The following TMCC1 variants were observed in gnomAD, a reference collection of about 807,000 sequenced individuals.
The protein encoded by TMCC1 is transmembrane and coiled-coil domain family 1.
A neutral mutation model predicts 52.4 loss-of-function variants in TMCC1; 15 were observed. The ratio of observed to expected loss-of-function variants is 0.29; its 90% CI spans 0.19 to 0.44. TMCC1 has a LOEUF of 0.44. Ranked by LOEUF, TMCC1 falls within the 20% of genes least tolerant of loss-of-function variation. The pLI is 1.00. For missense variants in TMCC1, 503 were observed against 806.0 expected (o/e 0.62, Z 4.55); for synonymous variants, 279 against 301.9 (o/e 0.92, Z 0.79).
chr3:129,751,774 T>C (rs2052549225), intron 4 of TMCC1, among the ~76,000 whole-genome samples: 1 of 152,132 alleles, frequency 6.6e-6, no homozygotes, highest in South Asian at 2.1e-4. Flanking sequence ...TTGGCCAGGC[T>C]GGTCTCAAAC....
intron 4 of TMCC1, among the ~76,000 whole-genome samples, chr3:129,738,232 T>C (rs1029546227): frequency 2.7e-5 from 4 of 148,468 alleles, no homozygotes; most frequent in Non-Finnish European, 5.9e-5. Flanking sequence ...GATTGTGCCA[T>C]TGTACTCCGG....
chr3:129,715,945 C>T (rs1282415238), intron 4 of TMCC1, among the ~76,000 whole-genome samples: 1 of 151,972 alleles, frequency 6.6e-6, no homozygotes, highest in African/African-American at 2.4e-5. Flanking sequence ...CTTCTCATTC[C>T]TCCTTTTCCC....
chr3:129,679,001 C>A (rs1049648716), intron 4 of TMCC1, among the ~76,000 whole-genome samples: 6 of 152,172 alleles, frequency 3.9e-5, no homozygotes, highest in Admixed American at 3.3e-4. Context: ...CTAGGTCAGT[C>A]AGGGTAAAAG....
chr3:129,673,920 C>CA (rs2088180730), intron 4 of TMCC1, among the ~76,000 whole-genome samples: 1 of 151,964 alleles, frequency 6.6e-6, no homozygotes, highest in African/African-American at 2.4e-5. Flanking sequence ...GCATATACAA[C>CA]AGTGGTTCCA....
At chr3:129,705,269 A>C (rs771816794) in intron 4 of TMCC1, among the ~76,000 whole-genome samples, 1 of 152,188 alleles carries the variant, frequency 6.6e-6, no homozygotes, top group Non-Finnish European at 1.5e-5. Context: ...CTCTGGTCTT[A>C]ACCAGTTACT....
chr3:129,753,858 AAAAT>A (rs2052750976), intron 4 of TMCC1, among the ~76,000 whole-genome samples: 1 of 152,058 alleles, frequency 6.6e-6, no homozygotes, highest in Non-Finnish European at 1.5e-5. Flanking sequence ...TAAGGCAGGA[AAAAT>A]AAATAGAAAG....
At chr3:129,816,759 C>T (rs568621334) in intron 4 of TMCC1, among the ~76,000 whole-genome samples, 1 of 152,210 alleles carries the variant, frequency 6.6e-6, no homozygotes, top group East Asian at 1.9e-4. Context: ...CATAATGGCT[C>T]ATGCTTGTAA....
chr3:129,700,650 T>A (rs1042988470), intron 4 of TMCC1, among the ~76,000 whole-genome samples: 1 of 152,062 alleles, frequency 6.6e-6, no homozygotes, highest in Non-Finnish European at 1.5e-5. Flanking sequence ...CTAATTTTTG[T>A]ACTTTTAGTA....
At chr3:129,810,364 A>C (rs1020075033) in intron 4 of TMCC1, among the ~76,000 whole-genome samples, 2 of 152,092 alleles carry the variant, frequency 1.3e-5, no homozygotes, top group Admixed American at 6.6e-5. Flanking sequence ...AAAACAAAAC[A>C]AAACTAAGCA....
At chr3:129,795,996 T>C (rs954836115) in intron 4 of TMCC1, among the ~76,000 whole-genome samples, 1 of 152,238 alleles carries the variant, frequency 6.6e-6, no homozygotes, top group African/African-American at 2.4e-5. Flanking sequence ...CATCTTACTA[T>C]GCCTAATTTC....
chr3:129,696,818 G>A (rs2047447613), intron 4 of TMCC1, among the ~76,000 whole-genome samples: 1 of 152,212 alleles, frequency 6.6e-6, no homozygotes, highest in Non-Finnish European at 1.5e-5. Context: ...CAGCAGGGCA[G>A]TCAAATCTTA....
intron 4 of TMCC1, among the ~76,000 whole-genome samples, chr3:129,760,985 T>C (rs1480763714): frequency 1.3e-5 from 2 of 152,054 alleles, no homozygotes; most frequent in African/African-American, 2.4e-5. Flanking sequence ...TTTTGATGCA[T>C]GCACACGCAT....
Position 129,828,559 on chromosome 3 carries a change from T to A in TMCC1, c.-130-51A>T. On this transcript the variant is annotated intron_variant, in intron 3 of 6. Transcript: ENST00000393238. The surrounding 1 kb of genome is among the most constrained non-coding windows in gnomAD (Gnocchi z 4.1). The stretch of plus-strand genomic sequence containing the variant: ...AAAACAAAAAAAAAACCTTATATTA[T>A]AAATCCATGCAGAAACTCCAGTGTT... 1.7e-6 allele frequency: 1 copy of A among 576,682 alleles called. No individual in the cohort carries two copies. The highest frequency in any genetic ancestry group is 2.9e-6 in the Non-Finnish European group (1 of 340,760). The allele number at this position is 576,682 out of a possible 1,614,324, so 35.7% of individuals were successfully genotyped here.
chr3:129,845,227 G>C (rs2059608341), intron 2 of TMCC1, among the ~76,000 whole-genome samples: 1 of 151,456 alleles, frequency 6.6e-6, no homozygotes, highest in Admixed American at 6.6e-5. Flanking sequence ...CACAATGCTA[G>C]AACTACTTCC....
chr3:129,840,180 A>T (rs2107864636), intron 2 of TMCC1, among the ~76,000 whole-genome samples: 1 of 151,940 alleles, frequency 6.6e-6, no homozygotes, highest in Admixed American at 6.6e-5. Flanking sequence ...TACAAAATAT[A>T]GCTGGGCATG....
intron 4 of TMCC1, among the ~76,000 whole-genome samples, chr3:129,751,772 G>A (rs2052548821): frequency 6.6e-6 from 1 of 152,096 alleles, no homozygotes; most frequent in Non-Finnish European, 1.5e-5. Flanking sequence ...TGTTGGCCAG[G>A]CTGGTCTCAA....
At chr3:129,684,623 T>C (rs2089269251) in intron 4 of TMCC1, among the ~76,000 whole-genome samples, 1 of 152,224 alleles carries the variant, frequency 6.6e-6, no homozygotes, top group South Asian at 2.1e-4. Flanking sequence ...CTTTCCTGCC[T>C]TGGCCAATTC....
At chr3:129,885,333 G>C (rs893194940) in intron 1 of TMCC1, among the ~76,000 whole-genome samples, 6 of 151,736 alleles carry the variant, frequency 4.0e-5, no homozygotes, top group Non-Finnish European at 7.4e-5. Flanking sequence ...GCAGAACAAA[G>C]CTTTGGGGTC....
intron 5 of TMCC1, among the ~76,000 whole-genome samples, chr3:129,668,829 T>C (rs969876116): frequency 6.6e-6 from 1 of 152,292 alleles, no homozygotes; most frequent in South Asian, 2.1e-4. Context: ...TTCTCCATGT[T>C]GGTCAGGCTG....
Sources: allele counts gnomAD v4.1 joint callset (sites outside exome capture counted in the v4.1 genomes callset), GRCh38; gene constraint gnomAD v4.1.1; non-coding constraint Gnocchi (gnomAD v3.1); transcripts MANE v1.5; gene names NCBI Gene and HGNC (gene_info 2026-07-23, HGNC 2026-07-21).